MYLK: variants seen among roughly 807,000 people sequenced by gnomAD.
MYLK encodes myosin light chain kinase, smooth muscle.
A neutral mutation model predicts 203.4 loss-of-function variants in MYLK; 106 were observed. That is an observed-to-expected ratio of 0.52 (90% CI 0.45 to 0.61). The LOEUF is 0.61. Among genes scored for constraint, MYLK ranks in the 20% least tolerant of loss-of-function variants. The pLI is 0.00. For synonymous variants in MYLK, 867 were observed against 959.5 expected (o/e 0.90, Z 1.78); for missense variants, 2,072 against 2,442.3 (o/e 0.85, Z 3.20).
At chr3:123,857,479 G>GAGTTC in intron 2 of MYLK, among the ~76,000 whole-genome samples, 1 of 152,144 alleles carries the variant, frequency 6.6e-6, no homozygotes, top group South Asian at 2.1e-4. Flanking sequence ...AAAAAATAAT[G>GAGTTC]AGTTCATGTC....
chr3:123,733,567 G>T, intron 10 of MYLK, 120 bp downstream of exon 10: 1 of 1,271,838 alleles, frequency 7.9e-7, no homozygotes, highest in Non-Finnish European at 1.1e-6. Flanking sequence ...TTTTCTAGGG[G>T]AGCTAGTCCA....
chr3:123,640,442 T>C lies in MYLK; in HGVS notation c.4682A>G (p.Glu1561Gly). 6.2e-7 allele frequency: 1 copy of C among 1,613,912 alleles called. No individual in the cohort carries two copies. Among genetic ancestry groups the C allele is most frequent in the South Asian group, 1.1e-5 (1 of 91,044 alleles). Residue 1561 changes from glutamate (E) to glycine (G), a missense_variant, in exon 28 of 34, where the codon GAG becomes GGG. Physicochemically the swap from Glu to Gly is moderately conservative, Grantham distance 98. Coordinates refer to ENST00000360304, the MANE Select transcript of MYLK (RefSeq NM_053025.4). This position sits in a 1 kb window ranked among gnomAD's most constrained non-coding sequence, Gnocchi z 4.3. ...IDEDFELTER[E>G]CIKYMRQISE... is the part of the protein sequence containing the mutation. ...GATCTGCCGCATGTACTTGATGCACTCACGCTCCGTCAGCTCAAAGTCCTC... is the reference window on the plus strand; with the variant it reads ...GATCTGCCGCATGTACTTGATGCACCCACGCTCCGTCAGCTCAAAGTCCTC...
chr3:123,814,397 C>T (rs557067443), intron 3 of MYLK, among the ~76,000 whole-genome samples: 1 of 152,266 alleles, frequency 6.6e-6, no homozygotes, highest in East Asian at 1.9e-4. Flanking sequence ...TGACTCTTTA[C>T]AGGAATGTTG....
chr3:123,765,081 G>A (rs995148595), intron 4 of MYLK, among the ~76,000 whole-genome samples: 2 of 152,130 alleles, frequency 1.3e-5, no homozygotes, highest in African/African-American at 4.8e-5. Context: ...ACAAGTATGG[G>A]CAAAGACGTG....
rs112455075 is a variant in MYLK, at chr3:123,641,440, A to ATTT, written c.4620-939_4620-937dup. ...CTTGCTTTTCTTTTTTTCTTCTTCA[A>ATTT]TTTTTTTTTTTTGGTAGAGACAAGG... On this transcript the variant is annotated intron_variant, in intron 27 of 33. Transcript: ENST00000360304. Among the ~76,000 whole-genome samples, 212 of 145,394 alleles carry ATTT rather than the reference A, an allele frequency of 1.5e-3. 1 individual carries two copies. Among genetic ancestry groups the ATTT allele is most frequent in the African/African-American group, 1.8e-3 (71 of 39,974 alleles).
At chr3:123,859,922 A>C (rs1381177352) in intron 2 of MYLK, among the ~76,000 whole-genome samples, 1 of 152,082 alleles carries the variant, frequency 6.6e-6, no homozygotes, top group Non-Finnish European at 1.5e-5. Context: ...TACATATATA[A>C]ATTTTTAAGT....
At chr3:123,736,804 C>T (rs565735189) in intron 8 of MYLK, among the ~76,000 whole-genome samples, 8 of 152,208 alleles carry the variant, frequency 5.3e-5, no homozygotes, top group East Asian at 3.9e-4. Context: ...AAAGGGAGTC[C>T]GGGTGAGAAG....
At chr3:123,731,686 G>T (rs1185453644) in intron 11 of MYLK, among the ~76,000 whole-genome samples, 2 of 151,810 alleles carry the variant, frequency 1.3e-5, no homozygotes, top group East Asian at 1.9e-4. Context: ...CCCTGCCAGT[G>T]CTCCCCAAAC....
In MYLK at chr3:123,828,830, C is replaced by T. The variant is rs182859148; in HGVS notation, c.-4+2718G>A. ...TCTCAAAAGAAGAAATATAAATTGC[C>T]AACAAATATATGGAAAACTGCCCAA... On this transcript the variant is annotated intron_variant, in intron 3 of 33. Coordinates refer to ENST00000360304, the MANE Select transcript of MYLK (RefSeq NM_053025.4). 6.0e-4 allele frequency among the ~76,000 whole-genome samples: 92 copies of T among 152,076 alleles called. 2 individuals are homozygous for T. In the South Asian group the frequency reaches 0.011, roughly 18 times the overall value.
At chr3:123,864,317 G>C (rs1320068223) in intron 2 of MYLK, among the ~76,000 whole-genome samples, 1 of 152,156 alleles carries the variant, frequency 6.6e-6, no homozygotes, top group Admixed American at 6.5e-5. Flanking sequence ...GTATGCTTAA[G>C]ATTTGTTCAT....
intron 18 of MYLK, among the ~76,000 whole-genome samples, chr3:123,698,582 A>AG (rs896074163): frequency 1.3e-5 from 2 of 152,026 alleles, no homozygotes; most frequent in Admixed American, 6.6e-5. Context: ...GCCTCAGGGG[A>AG]GGGGGGCTGA....
chr3:123,758,710 C>T (rs1195286107), intron 4 of MYLK, among the ~76,000 whole-genome samples: 1 of 152,182 alleles, frequency 6.6e-6, no homozygotes, highest in African/African-American at 2.4e-5. Flanking sequence ...GATCTATTTC[C>T]TTTTATCTAG....
chr3:123,678,966 T>A (rs1265968153), intron 20 of MYLK, among the ~76,000 whole-genome samples: 1 of 152,170 alleles, frequency 6.6e-6, no homozygotes, highest in African/African-American at 2.4e-5. Flanking sequence ...ATATAATCAA[T>A]AAACTAACAA....
chr3:123,617,306 A>G (rs1422537555), intron 33 of MYLK: 2 of 152,250 alleles, frequency 1.3e-5, no homozygotes, highest in African/African-American at 2.4e-5. Flanking sequence ...AAAACATTCA[A>G]AAAGGAAAAG....
At chr3:123,635,835 T>C (rs2058622867) in intron 29 of MYLK, among the ~76,000 whole-genome samples, 3 of 151,998 alleles carry the variant, frequency 2.0e-5, no homozygotes, top group African/African-American at 7.3e-5. Context: ...TGGAACCCAC[T>C]CAAAAGCCTA....
rs1381922837 is a variant in MYLK, at chr3:123,700,956, C to T, written c.2512G>A (p.Ala838Thr). 6.2e-7 allele frequency: 1 copy of T among 1,610,214 alleles called. No individual in the cohort carries two copies. The highest frequency in any genetic ancestry group is 1.7e-5 in the Admixed American group (1 of 60,026). Residue 838 changes from alanine to threonine, a missense_variant, in exon 18 of 34, where the codon GCT (alanine) becomes ACT (threonine). Ala to Thr is a moderately conservative substitution (Grantham distance 58, BLOSUM62 0). This residue lies in a region of MYLK where 865 missense variants were observed against 1,016.0 expected (regional missense o/e 0.85). Transcript: ENST00000360304. ...CEDLCGGGVG[A>T]DGGGSDRYGS... ...TAGCGGTCACTACCACCACCATCAG[C>T]ACCAACTCCTCCACCACAGAGGTCC...
rs76575901 is a variant in MYLK at position 123,860,373 on chromosome 3, G to A, written c.-127+16186C>T. Among the ~76,000 whole-genome samples, 461 of 152,348 alleles carry A rather than the reference G, an allele frequency of 3.0e-3. 2 individuals carry two copies. Among genetic ancestry groups the A allele is most frequent in the African/African-American group, 0.01 (424 of 41,586 alleles). On this transcript the variant is annotated intron_variant, in intron 2 of 33. Coordinates refer to ENST00000360304, the MANE Select transcript of MYLK (RefSeq NM_053025.4). ...CGAATTCTTTGATCAGGGCACTGCT[G>A]TGTCTCTAGCTTCTCATGCTGAAAG...
At chr3:123,836,838 C>G (rs2066484938) in intron 2 of MYLK, among the ~76,000 whole-genome samples, 1 of 152,176 alleles carries the variant, frequency 6.6e-6, no homozygotes, top group Non-Finnish European at 1.5e-5. Context: ...AGGTAGAACT[C>G]AAAGCATCAG....
intron 2 of MYLK, among the ~76,000 whole-genome samples, chr3:123,835,665 T>G (rs1370473201): frequency 6.6e-6 from 1 of 152,192 alleles, no homozygotes; most frequent in African/African-American, 2.4e-5. Flanking sequence ...AAGCAAAAGT[T>G]TCTCTCTGAC....
Sources: gnomAD v4.1 joint callset for allele counts (sites outside exome capture counted in the v4.1 genomes callset) on GRCh38, gnomAD v4.1.1 for gene constraint, gnomAD v4.1.1 regional missense constraint, Gnocchi (gnomAD v3.1) non-coding constraint, MANE v1.5 for transcripts, NCBI Gene and HGNC (gene_info 2026-07-23, HGNC 2026-07-21) for gene names.